COL25A1: variants seen among roughly 807,000 people sequenced by gnomAD.
COL25A1 encodes the protein collagen alpha-1(XXV) chain.
A neutral mutation model predicts 128.4 loss-of-function variants in COL25A1; 103 were observed. That is an observed-to-expected ratio of 0.80 (90% CI 0.68 to 0.94). The LOEUF (loss-of-function observed/expected upper bound fraction) is 0.94. Ranked by LOEUF, COL25A1 falls within the 40% of genes least tolerant of loss-of-function variation. The probability of loss-of-function intolerance (pLI) is 0.00; values close to 1 mark genes in which losing one functional copy is unlikely to be tolerated. For synonymous variants in COL25A1, 279 were observed against 277.2 expected (o/e 1.01, Z -0.06); for missense variants, 745 against 840.0 (o/e 0.89, Z 1.40).
chr4:109,280,956 T>C (rs567769680), intron 3 of COL25A1, among the ~76,000 whole-genome samples: 5 of 152,286 alleles, frequency 3.3e-5, no homozygotes, highest in African/African-American at 7.2e-5. Flanking sequence ...ACAACTTACA[T>C]TTGAATGGTT....
intron 3 of COL25A1, among the ~76,000 whole-genome samples, chr4:109,291,599 A>C (rs1025974043): frequency 6.6e-6 from 1 of 152,074 alleles, no homozygotes; most frequent in African/African-American, 2.4e-5. Flanking sequence ...TTCATCAAAA[A>C]ATCAAGTGCT....
Position 108,859,708 on chromosome 4 carries a change from T to C in COL25A1, c.1268A>G (p.Gln423Arg). The change falls in exon 24 of 38, where the codon CAA (glutamine) becomes CGA (arginine). Residue 423 changes from glutamine to arginine, a missense_variant. By Grantham distance (43) the Gln-to-Arg change is conservative. This residue lies in a region of COL25A1 where 387 missense variants were observed against 441.9 expected (regional missense o/e 0.88). Coordinates refer to ENST00000399132, the MANE Select transcript of COL25A1 (RefSeq NM_198721.4). ...GTAGTCTATGATCTCAGTGGCTCCT[T>C]GATCCCCTTTTTGACCAGGTGGACC... ...PRGPPGQKGD[Q>R]GATEIIDYNG... The C allele has an allele frequency of 6.2e-7, 1 of 1,613,912 alleles. No homozygotes were observed. Among genetic ancestry groups the C allele is most frequent in the Non-Finnish European group, 8.5e-7 (1 of 1,179,912 alleles).
chr4:109,297,901 G>T (rs1332388030), intron 3 of COL25A1, among the ~76,000 whole-genome samples: 1 of 103,588 alleles, frequency 9.7e-6, no homozygotes, highest in Non-Finnish European at 1.8e-5. Flanking sequence ...TGCCGATGAG[G>T]AAATTAGAAC....
chr4:109,288,040 A>AT (rs1490995052), intron 3 of COL25A1, among the ~76,000 whole-genome samples: 4 of 151,910 alleles, frequency 2.6e-5, no homozygotes, highest in Non-Finnish European at 4.4e-5. Flanking sequence ...AGGAGATGAG[A>AT]TATCTGAAGT....
intron 3 of COL25A1, among the ~76,000 whole-genome samples, chr4:109,278,232 T>C (rs1384668362): frequency 6.6e-6 from 1 of 152,226 alleles, no homozygotes; most frequent in Non-Finnish European, 1.5e-5. Flanking sequence ...GAATTTGATC[T>C]ATATAATTTC....
intron 16 of COL25A1, among the ~76,000 whole-genome samples, chr4:108,893,485 C>T (rs535542756): frequency 6.8e-4 from 103 of 152,120 alleles, no homozygotes; most frequent in African/African-American, 2.2e-3. Flanking sequence ...TAGGGTGTAC[C>T]ATGGTTGTAG....
At chr4:109,034,992 T>C (rs1560575386) in intron 5 of COL25A1, among the ~76,000 whole-genome samples, 1 of 152,214 alleles carries the variant, frequency 6.6e-6, no homozygotes, top group Non-Finnish European at 1.5e-5. Context: ...ATTTTGGTTA[T>C]AGTTTAAAAG....
intron 3 of COL25A1, among the ~76,000 whole-genome samples, chr4:109,286,681 G>A (rs1232097211): frequency 6.6e-6 from 1 of 152,134 alleles, no homozygotes; most frequent in East Asian, 1.9e-4. Context: ...AACAAAGGAT[G>A]CTGCTAAGCA....
intron 3 of COL25A1, among the ~76,000 whole-genome samples, chr4:109,118,713 G>C (rs958217754): frequency 6.6e-6 from 1 of 151,884 alleles, no homozygotes; most frequent in Non-Finnish European, 1.5e-5. Context: ...CAACAAAAGG[G>C]CATCAAATTA....
At chr4:109,167,408 T>C (rs1019769032) in intron 3 of COL25A1, among the ~76,000 whole-genome samples, 5 of 152,130 alleles carry the variant, frequency 3.3e-5, no homozygotes, top group African/African-American at 1.2e-4. Context: ...AATGAAGAAA[T>C]AAAGCTTTTT....
chr4:108,821,224 A>G lies in COL25A1; in HGVS notation c.1846-1895T>C, dbSNP rs986881194. On this transcript the variant is annotated intron_variant, in intron 35 of 37. Transcript: ENST00000399132. ...TGTGTGCCAAAAAGATTGCATCAGA[A>G]GGCTCAGAATCAAAAACACTTGGAT... Among the ~76,000 whole-genome samples the G allele has an allele frequency of 8.5e-5, 13 of 152,330 alleles. No homozygotes were observed. In the East Asian group the frequency reaches 2.3e-3, roughly 27 times the overall value.
chr4:108,866,398 G>T (rs536554235), intron 20 of COL25A1, among the ~76,000 whole-genome samples: 1 of 152,098 alleles, frequency 6.6e-6, no homozygotes, highest in East Asian at 1.9e-4. Flanking sequence ...TCATCATGTT[G>T]CCCAGGCTGA....
At chr4:109,153,472 G>C (rs1410304216) in intron 3 of COL25A1, among the ~76,000 whole-genome samples, 1 of 151,964 alleles carries the variant, frequency 6.6e-6, no homozygotes, top group Non-Finnish European at 1.5e-5. Flanking sequence ...GCACAGCTAG[G>C]TGCTAAACCA....
At chr4:109,175,339 C>T (rs1383491117) in intron 3 of COL25A1, among the ~76,000 whole-genome samples, 1 of 152,102 alleles carries the variant, frequency 6.6e-6, no homozygotes, top group Admixed American at 6.6e-5. Context: ...AACACTGGGG[C>T]CCTGAGAGTG....
At chr4:108,933,470 A>T (rs1268476944) in intron 11 of COL25A1, among the ~76,000 whole-genome samples, 3 of 151,578 alleles carry the variant, frequency 2.0e-5, no homozygotes, top group African/African-American at 7.3e-5. Flanking sequence ...AAGCTAAAAC[A>T]ACAACAACTA....
At chr4:109,164,717 T>C (rs1320647279) in intron 3 of COL25A1, among the ~76,000 whole-genome samples, 1 of 152,198 alleles carries the variant, frequency 6.6e-6, no homozygotes, top group Non-Finnish European at 1.5e-5. Context: ...TGCAAATTCA[T>C]TTTATCAACT....
At chr4:108,995,447 C>A (rs1754674690) in intron 6 of COL25A1, among the ~76,000 whole-genome samples, 1 of 152,138 alleles carries the variant, frequency 6.6e-6, no homozygotes, top group South Asian at 2.1e-4. Flanking sequence ...TGAACAAAGC[C>A]TCCAGGAAAT....
chr4:108,887,824 T>G lies in COL25A1; in HGVS notation c.975+1397A>C, dbSNP rs1741005224. 2.6e-5 allele frequency among the ~76,000 whole-genome samples: 4 copies of G among 152,160 alleles called. No homozygotes were observed. In the South Asian group the frequency reaches 8.3e-4, roughly 32 times the overall value. On this transcript the variant is annotated intron_variant, in intron 18 of 37. Transcript: ENST00000399132. ...TATAGCAGGTTTGTTTTGGTTTATTTTTTAGAGACACAACTGTCTTACAGA... is the reference window on the plus strand; with the variant it reads ...TATAGCAGGTTTGTTTTGGTTTATTGTTTAGAGACACAACTGTCTTACAGA...
intron 11 of COL25A1, among the ~76,000 whole-genome samples, chr4:108,936,695 ACAGCTG>A (rs1015468578): frequency 4.6e-5 from 7 of 151,748 alleles, no homozygotes; most frequent in African/African-American, 1.2e-4. Flanking sequence ...AGCTGTACCT[ACAGCTG>A]ACTCCCCAGG....
Sources: gnomAD v4.1 joint callset for allele counts (sites outside exome capture counted in the v4.1 genomes callset) on GRCh38, gnomAD v4.1.1 for gene constraint, gnomAD v4.1.1 regional missense constraint, MANE v1.5 for transcripts, NCBI Gene and HGNC (gene_info 2026-07-23, HGNC 2026-07-21) for gene names.